The following TMX4 variants were observed in gnomAD, a reference collection of about 807,000 sequenced individuals.
TMX4 encodes thioredoxin-related transmembrane protein 4.
In TMX4, 23 loss-of-function variants were observed where a neutral mutation model predicts 33.3. The observed-to-expected ratio is 0.69, with a 90% CI of 0.50 to 0.98. The LOEUF is 0.98. Among genes scored for constraint, TMX4 ranks in the 50% least tolerant of loss-of-function variants. The probability of loss-of-function intolerance (pLI) is 0.00; values close to 1 mark genes in which losing one functional copy is unlikely to be tolerated. For synonymous variants in TMX4, 164 were observed against 161.5 expected, an observed-to-expected ratio of 1.02 and a Z score of -0.12; for missense variants, 399 against 448.9, an observed-to-expected ratio of 0.89 and a Z score of 1.01.
At position 7,982,361 on chromosome 20, in the gene TMX4, G is replaced by T. The variant is rs769850623; in HGVS notation, c.940C>A (p.Pro314Thr). ...EDGVTREEVE[P>T]EEAEEGISEQ... ...GAGATGCCTTCTTCAGCCTCCTCAG[G>T]CTCTACTTCCTCCCGGGTCACACCG... The change falls in exon 8 of 8, where the codon CCT becomes ACT. Residue 314 changes from proline (P) to threonine (T), a missense_variant. Coordinates refer to ENST00000246024, the MANE Select transcript of TMX4 (RefSeq NM_021156.4). The T allele has an allele frequency of 1.2e-6, 2 of 1,614,036 alleles. No homozygotes were observed. Among genetic ancestry groups the T allele is most frequent in the East Asian group, 2.2e-5 (1 of 44,852 alleles).
chr20:7,992,545 G>A (rs114684864), intron 5 of TMX4, among the ~76,000 whole-genome samples: 1,638 of 152,272 alleles, frequency 0.011, 19 homozygotes, highest in Middle Eastern at 0.027. Flanking sequence ...GACTATTCAA[G>A]GGACTTTCTC....
chr20:7,991,003 G>A (rs779162131), intron 5 of TMX4, among the ~76,000 whole-genome samples: 1 of 152,158 alleles, frequency 6.6e-6, no homozygotes, highest in African/African-American at 2.4e-5. Context: ...ATTGAGAAGA[G>A]GCATGCTATG....
intron 6 of TMX4, among the ~76,000 whole-genome samples, chr20:7,986,156 G>A (rs924790120): frequency 6.6e-6 from 1 of 152,138 alleles, no homozygotes; most frequent in African/African-American, 2.4e-5. Flanking sequence ...TTAGACGGGA[G>A]CAATGGGGAC....
chr20:8,000,892 C>T (rs2050703665), intron 3 of TMX4, among the ~76,000 whole-genome samples: 1 of 152,134 alleles, frequency 6.6e-6, no homozygotes, highest in Non-Finnish European at 1.5e-5. Flanking sequence ...TTAATGGCTC[C>T]TAATCATGAA....
intron 3 of TMX4, among the ~76,000 whole-genome samples, chr20:8,001,217 T>C (rs1392674068): frequency 6.6e-6 from 1 of 152,192 alleles, no homozygotes; most frequent in Non-Finnish European, 1.5e-5. Flanking sequence ...CTTGTTGGCT[T>C]AATGCATTCC....
At chr20:8,001,623 T>C in intron 2 of TMX4, 82 bp from the exon 3 acceptor site, 1 of 1,296,152 alleles carries the variant, frequency 7.7e-7, no homozygotes, top group Non-Finnish European at 1.1e-6. Context: ...ATAATCACAT[T>C]ATTAAAATCA....
At chr20:8,017,919 T>C (rs1265817776) in intron 1 of TMX4, among the ~76,000 whole-genome samples, 1 of 152,214 alleles carries the variant, frequency 6.6e-6, no homozygotes, top group Non-Finnish European at 1.5e-5. Context: ...CATTGATTTA[T>C]TATGATACCA....
At chr20:7,999,622 T>G (rs746078480) in intron 4 of TMX4, 110 bp downstream of exon 4, 327 of 1,225,134 alleles carry the variant, frequency 2.7e-4, no homozygotes, top group Non-Finnish European at 3.4e-4. Context: ...GTAATCTGGG[T>G]AATTGGAAGT....
chr20:8,017,613 C>G (rs538737205), intron 1 of TMX4, among the ~76,000 whole-genome samples: 14 of 152,214 alleles, frequency 9.2e-5, no homozygotes, highest in Admixed American at 4.6e-4. Context: ...AATGAGGAGG[C>G]CTTTCTGTTT....
At chr20:7,989,264 C>G (rs920278662) in intron 5 of TMX4, among the ~76,000 whole-genome samples, 1 of 152,024 alleles carries the variant, frequency 6.6e-6, no homozygotes, top group African/African-American at 2.4e-5. Context: ...CAATCTGCCT[C>G]TGTGTCAACC....
At position 8,010,311 on chromosome 20, in the gene TMX4, C is replaced by T. The variant is rs200265651; in HGVS notation, c.181G>A (p.Ala61Thr). The T allele has an allele frequency of 9.4e-6, 15 of 1,603,770 alleles. No individual in the cohort carries two copies. The East Asian group carries it at 1.3e-4, about 14-fold the overall frequency. ...MEGEWMLKFY[A>T]PWCPSCQQTD... is the part of the protein sequence containing the mutation. ...TGCTGGCAGGATGGACACCATGGGG[C>T]GTAACTATAAGAGAAGAATAAGAAT... The change falls in exon 2 of 8, where the codon GCC (alanine) becomes ACC (threonine). Residue 61 changes from alanine to threonine, a missense_variant. By Grantham distance (58) the Ala-to-Thr change is moderately conservative. Coordinates refer to ENST00000246024, the MANE Select transcript of TMX4 (RefSeq NM_021156.4).
In TMX4 at chr20:7,995,255, C is replaced by G. The variant is rs920635445; in HGVS notation, c.513+771G>C. 2.6e-5 allele frequency among the ~76,000 whole-genome samples: 4 copies of G among 152,130 alleles called. No homozygotes were observed. The South Asian group carries it at 8.3e-4, about 31-fold the overall frequency. ...TAGAAAAGACATATATAGGGAGACT[C>G]GCTTCTAAGACTTTTTGAAATATTT... On this transcript the variant is annotated intron_variant, in intron 5 of 7. Coordinates refer to ENST00000246024, the MANE Select transcript of TMX4 (RefSeq NM_021156.4).
intron 7 of TMX4, 50 bp from the exon 8 acceptor site, chr20:7,982,671 G>A (rs2076014): frequency 0.092 from 140,305 of 1,530,670 alleles, 13,765 homozygotes; most frequent in East Asian, 0.53. Context: ...ATGGTAATTC[G>A]GTAATCAATT....
At chr20:7,994,021 T>C (rs2050666012) in intron 5 of TMX4, among the ~76,000 whole-genome samples, 1 of 152,022 alleles carries the variant, frequency 6.6e-6, no homozygotes, top group African/African-American at 2.4e-5. Context: ...AATTACTCCA[T>C]GCAAATGCTT....
rs148869791 is a variant in TMX4 at position 7,991,618 on chromosome 20, C to T, written c.514-4229G>A. Among the ~76,000 whole-genome samples, 204 of 152,216 alleles carry T rather than the reference C, an allele frequency of 1.3e-3. 1 individual carries two copies. Among genetic ancestry groups the T allele is most frequent in the Non-Finnish European group, 2.0e-3 (138 of 68,008 alleles). On this transcript the variant is annotated intron_variant, in intron 5 of 7. Transcript: ENST00000246024. ...CAACCTATATGCTGAGCAACTGCCA[C>T]GGAACCCTATTTTAAGCCTGCTATC...
chr20:8,018,806 A>T (rs147292531), intron 1 of TMX4: 282 of 236,688 alleles, frequency 1.2e-3, no homozygotes, highest in African/African-American at 6.3e-3. Context: ...TACAAGTTAT[A>T]ATAAGTATCA....
At chr20:8,012,908 G>T (rs1367758191) in intron 1 of TMX4, among the ~76,000 whole-genome samples, 1 of 152,196 alleles carries the variant, frequency 6.6e-6, no homozygotes, top group Non-Finnish European at 1.5e-5. Context: ...CAGCTGATTT[G>T]TGTTGGAATG....
At chr20:8,014,428 A>C (rs941791085) in intron 1 of TMX4, among the ~76,000 whole-genome samples, 1 of 152,242 alleles carries the variant, frequency 6.6e-6, no homozygotes, top group African/African-American at 2.4e-5. Context: ...CAATTAATCT[A>C]TTATTCACTC....
intron 5 of TMX4, among the ~76,000 whole-genome samples, chr20:7,993,112 G>C (rs1438921904): frequency 1.3e-5 from 2 of 152,172 alleles, no homozygotes; most frequent in African/African-American, 2.4e-5. Flanking sequence ...ATTTCTATCT[G>C]TACATGTATC....
Sources: gnomAD v4.1 joint callset for allele counts (sites outside exome capture counted in the v4.1 genomes callset) on GRCh38, gnomAD v4.1.1 for gene constraint, MANE v1.5 for transcripts, NCBI Gene and HGNC (gene_info 2026-07-23, HGNC 2026-07-21) for gene names.